Variants in CWF19L2 observed in about 807,000 individuals in gnomAD.
The protein encoded by CWF19L2 is CWF19-like protein 2.
In CWF19L2, 98 loss-of-function variants were observed where a neutral mutation model predicts 111.7. That is an observed-to-expected ratio of 0.88 (90% CI 0.75 to 1.04). The LOEUF (loss-of-function observed/expected upper bound fraction) is 1.04. Among genes scored for constraint, CWF19L2 ranks in the 50% least tolerant of loss-of-function variants. The pLI, the probability that CWF19L2 is intolerant of heterozygous loss-of-function variation, is 0.00. For missense variants in CWF19L2, 1,101 were observed against 1,051.4 expected, an observed-to-expected ratio of 1.05 and a Z score of -0.65; for synonymous variants, 351 against 342.9, an observed-to-expected ratio of 1.02 and a Z score of -0.26.
intron 12 of CWF19L2, among the ~76,000 whole-genome samples, chr11:107,370,323 G>C (rs1184943449): frequency 7.3e-6 from 1 of 137,180 alleles, no homozygotes; most frequent in Non-Finnish European, 1.6e-5. Context: ...AGGGGAGTAA[G>C]ACAAGACCCA....
chr11:107,362,229 G>C (rs967032328), intron 12 of CWF19L2, among the ~76,000 whole-genome samples: 1 of 151,712 alleles, frequency 6.6e-6, no homozygotes, highest in Non-Finnish European at 1.5e-5. Flanking sequence ...ACTGCAAGGC[G>C]GCAGCGAGGC....
chr11:107,363,346 A>C (rs1422452497), intron 12 of CWF19L2, among the ~76,000 whole-genome samples: 3 of 152,148 alleles, frequency 2.0e-5, no homozygotes, highest in Non-Finnish European at 4.4e-5. Flanking sequence ...CTCCTCGAGA[A>C]GAGCAACACC....
At chr11:107,453,097 A>C (rs1222824946) in intron 3 of CWF19L2, among the ~76,000 whole-genome samples, 1 of 152,216 alleles carries the variant, frequency 6.6e-6, no homozygotes. Context: ...AAAAACAAAA[A>C]AGAAAATATT....
intron 10 of CWF19L2, among the ~76,000 whole-genome samples, chr11:107,411,421 C>G (rs911947848): frequency 1.3e-5 from 2 of 152,036 alleles, no homozygotes; most frequent in Non-Finnish European, 2.9e-5. Context: ...ATGGCACTCA[C>G]GTTCATTTAT....
In CWF19L2 at chr11:107,349,025, G is replaced by T; in HGVS notation, c.2114C>A (p.Ser705Tyr). 1 of 1,607,786 alleles carries T rather than the reference G, an allele frequency of 6.2e-7. No homozygotes were observed. The highest frequency in any genetic ancestry group is 1.1e-5 in the South Asian group (1 of 90,542). ...TATCAGGCAGTGCCCCTCAGTAAGAGACCGTACGTTGGGTAAACATAAATA... is the reference window on the plus strand; with the variant it reads ...TATCAGGCAGTGCCCCTCAGTAAGATACCGTACGTTGGGTAAACATAAATA... Reference protein sequence around the residue: ...KVYLCLPNVRSLTEGHCLIVP... With the variant: ...KVYLCLPNVRYLTEGHCLIVP... Residue 705 changes from serine to tyrosine, a missense_variant, in exon 14 of 18, where the codon TCT becomes TAT. Physicochemically the swap from Ser to Tyr is moderately radical, Grantham distance 144. Transcript: ENST00000282251.
intron 12 of CWF19L2, among the ~76,000 whole-genome samples, chr11:107,384,160 G>A (rs1343615057): frequency 1.3e-5 from 2 of 152,108 alleles, no homozygotes; most frequent in Non-Finnish European, 2.9e-5. Flanking sequence ...AACTATTCCT[G>A]ACTAGCTACT....
At chr11:107,445,135 A>C (rs1244302901) in intron 3 of CWF19L2, among the ~76,000 whole-genome samples, 2 of 152,224 alleles carry the variant, frequency 1.3e-5, no homozygotes, top group Non-Finnish European at 2.9e-5. Context: ...AAATTGCAAA[A>C]ACCATTCACA....
At chr11:107,447,234 C>T (rs1861713668) in intron 3 of CWF19L2, among the ~76,000 whole-genome samples, 1 of 152,172 alleles carries the variant, frequency 6.6e-6, no homozygotes, top group South Asian at 2.1e-4. Flanking sequence ...ATGAAAATCT[C>T]ACTGAGCAAA....
intron 1 of CWF19L2, among the ~76,000 whole-genome samples, chr11:107,457,288 A>T (rs1861868503): frequency 1.3e-5 from 2 of 152,214 alleles, no homozygotes; most frequent in South Asian, 4.1e-4. Flanking sequence ...GAAATGTCAA[A>T]CTGAGTCTAT....
Position 107,369,238 on chromosome 11 carries a change from G to A in CWF19L2, c.1873-15502C>T, listed in dbSNP as rs943703722. Among the ~76,000 whole-genome samples, 4 of 137,640 alleles carry A rather than the reference G, an allele frequency of 2.9e-5. 1 individual carries two copies. Among genetic ancestry groups the A allele is most frequent in the African/African-American group, 1.2e-4 (4 of 34,448 alleles). 90.3% of individuals were successfully genotyped at this position (137,640 alleles called of 152,430 possible). A position where few individuals can be genotyped will look rare whatever the true frequency, so the allele number is the denominator to read the frequency against. On this transcript the variant is annotated intron_variant, in intron 12 of 17. Transcript: ENST00000282251. The stretch of plus-strand genomic sequence containing the variant: ...CAGTTCTTACTGCCATAAGCTCCTT[G>A]TGGTAGTCTGTTTCTTCACTTATAA...
intron 10 of CWF19L2, among the ~76,000 whole-genome samples, chr11:107,415,367 C>T (rs1861211149): frequency 1.3e-5 from 2 of 152,170 alleles, no homozygotes; most frequent in South Asian, 4.1e-4. Flanking sequence ...CTCAAAATTG[C>T]CACTACCCTG....
chr11:107,408,970 A>C (rs898432944), intron 10 of CWF19L2, among the ~76,000 whole-genome samples: 23 of 152,064 alleles, frequency 1.5e-4, no homozygotes, highest in African/African-American at 5.5e-4. Context: ...TCATTGAGTA[A>C]AGGTCAAACC....
intron 14 of CWF19L2, among the ~76,000 whole-genome samples, chr11:107,343,039 T>A (rs1411274163): frequency 2.0e-5 from 3 of 152,170 alleles, no homozygotes; most frequent in African/African-American, 7.2e-5. Context: ...AAGACTCACT[T>A]GGAATCTGAT....
chr11:107,456,766 TA>T (rs1427992277), intron 1 of CWF19L2, among the ~76,000 whole-genome samples: 1 of 152,088 alleles, frequency 6.6e-6, no homozygotes, highest in Non-Finnish European at 1.5e-5. Flanking sequence ...ATACAATGGT[TA>T]TATACCAAAC....
intron 12 of CWF19L2, among the ~76,000 whole-genome samples, chr11:107,369,911 T>C (rs1860483916): frequency 7.2e-6 from 1 of 138,320 alleles, no homozygotes; most frequent in African/African-American, 2.9e-5. Flanking sequence ...AACTTTCAAG[T>C]GTTAGCTCTT....
Position 107,353,599 on chromosome 11 carries a change from TGCA to T in CWF19L2, c.2007_2009del (p.Ala670del), listed in dbSNP as rs1398201859. 1 of 1,613,856 alleles carries T rather than the reference TGCA, an allele frequency of 6.2e-7. No individual in the cohort carries two copies. The highest frequency in any genetic ancestry group is 8.5e-7 in the Non-Finnish European group (1 of 1,179,792). On this transcript the variant is annotated inframe_deletion, in exon 13 of 18. Transcript: ENST00000282251. ...AACAATACAGACATTTTTCCATTTG[TGCA>T]GCAAGACTCCGATGCTCAGCAATAG...
At chr11:107,370,285 C>T (rs1175962775) in intron 12 of CWF19L2, among the ~76,000 whole-genome samples, 1 of 137,008 alleles carries the variant, frequency 7.3e-6, no homozygotes, top group African/African-American at 2.9e-5. Flanking sequence ...ATCATGCTAA[C>T]TAACCAAGCC....
Position 107,326,879 on chromosome 11 carries a change from T to C in CWF19L2, c.*31A>G. On this transcript the variant is annotated 3_prime_UTR_variant, in exon 18 of 18. Coordinates refer to ENST00000282251, the MANE Select transcript of CWF19L2 (RefSeq NM_152434.3). ...AATGGAAATAAAACTGAACGGGATC[T>C]GAAGAAAAATTTTAAAATGGAAGGT... 1 of 1,551,038 alleles carries C rather than the reference T, an allele frequency of 6.4e-7. No individual in the cohort carries two copies. Among genetic ancestry groups the C allele is most frequent in the Non-Finnish European group, 8.7e-7 (1 of 1,151,196 alleles).
chr11:107,348,317 C>T (rs79370094), intron 14 of CWF19L2, among the ~76,000 whole-genome samples: 2,667 of 152,190 alleles, frequency 0.018, 58 homozygotes, highest in African/African-American at 0.059. Context: ...AGTTTTCTTC[C>T]TTTCTTTCCT....
Sources: allele counts gnomAD v4.1 joint callset (sites outside exome capture counted in the v4.1 genomes callset), GRCh38; gene constraint gnomAD v4.1.1; transcripts MANE v1.5; gene names NCBI Gene and HGNC (gene_info 2026-07-23, HGNC 2026-07-21).